The following PIP4K2A variants were observed in gnomAD, a reference collection of about 807,000 sequenced individuals.
The protein encoded by PIP4K2A is phosphatidylinositol 5-phosphate 4-kinase type-2 alpha.
A neutral mutation model predicts 42.9 loss-of-function variants in PIP4K2A; 14 were observed. The ratio of observed to expected loss-of-function variants is 0.33; its 90% CI spans 0.22 to 0.51. PIP4K2A has a LOEUF of 0.51. Ranked by LOEUF, PIP4K2A falls within the 20% of genes least tolerant of loss-of-function variation. The pLI is 0.97. For synonymous variants in PIP4K2A, 192 were observed against 192.2 expected, an observed-to-expected ratio of 1.00 and a Z score of 0.01; for missense variants, 434 against 519.8, an observed-to-expected ratio of 0.83 and a Z score of 1.61.
intron 1 of PIP4K2A, among the ~76,000 whole-genome samples, chr10:22,664,637 CA>C (rs1839314179): frequency 6.6e-6 from 1 of 151,846 alleles, no homozygotes; most frequent in South Asian, 2.1e-4. Context: ...TGCTTTTAAA[CA>C]AAAATTCTAC....
Position 22,623,266 on chromosome 10 carries a change from G to A in PIP4K2A, c.145-13549C>T, listed in dbSNP as rs1365283445. Among the ~76,000 whole-genome samples, 5 of 152,162 alleles carry A rather than the reference G, an allele frequency of 3.3e-5. No homozygotes were observed. The South Asian group carries it at 1.0e-3, about 32-fold the overall frequency. ...AGATCAAGTTTAGGTGTCTGGGGTC[G>A]GGGGTGAAGCTCACCTGTAATGGTG... On this transcript the variant is annotated intron_variant, in intron 1 of 9. Transcript: ENST00000376573.
intron 4 of PIP4K2A, among the ~76,000 whole-genome samples, chr10:22,578,841 G>GC (rs1312554177): frequency 1.3e-5 from 2 of 152,114 alleles, no homozygotes; most frequent in African/African-American, 4.8e-5. Flanking sequence ...ATATACAACT[G>GC]TTGAATAAAT....
At chr10:22,628,374 G>A (rs1053406861) in intron 1 of PIP4K2A, among the ~76,000 whole-genome samples, 10 of 152,110 alleles carry the variant, frequency 6.6e-5, no homozygotes, top group African/African-American at 2.2e-4. Flanking sequence ...AATCTTGATC[G>A]TTAGAAAAAG....
intron 1 of PIP4K2A, among the ~76,000 whole-genome samples, chr10:22,693,372 AG>A (rs987246664): frequency 1.1e-4 from 16 of 152,174 alleles, no homozygotes; most frequent in African/African-American, 3.9e-4. Context: ...AATACATACA[AG>A]GATTTCACCA....
intron 1 of PIP4K2A, among the ~76,000 whole-genome samples, chr10:22,652,978 G>C (rs1258046477): frequency 1.3e-5 from 2 of 152,094 alleles, no homozygotes; most frequent in Admixed American, 6.5e-5. Context: ...CCTTCAGTCT[G>C]AGCTGCTCAG....
At chr10:22,546,176 G>C (rs1014225916) in intron 7 of PIP4K2A, among the ~76,000 whole-genome samples, 1 of 152,140 alleles carries the variant, frequency 6.6e-6, no homozygotes, top group African/African-American at 2.4e-5. Flanking sequence ...TTTAAAATTG[G>C]ACAATGCCAC....
chr10:22,639,348 T>C (rs976966413), intron 1 of PIP4K2A, among the ~76,000 whole-genome samples: 1 of 124,072 alleles, frequency 8.1e-6, no homozygotes, highest in African/African-American at 3.4e-5. Flanking sequence ...ACTTGAGAAA[T>C]CAAAAGAAGC....
chr10:22,641,845 T>C (rs1838788866), intron 1 of PIP4K2A, among the ~76,000 whole-genome samples: 2 of 152,088 alleles, frequency 1.3e-5, no homozygotes, highest in Admixed American at 1.3e-4. Flanking sequence ...ACAGGAGTGA[T>C]GATTCTATAT....
chr10:22,546,452 C>A (rs1162977639), intron 7 of PIP4K2A, among the ~76,000 whole-genome samples: 1 of 152,126 alleles, frequency 6.6e-6, no homozygotes, highest in East Asian at 1.9e-4. Flanking sequence ...GGCTCTGTCA[C>A]CCAGGCTGGA....
chr10:22,656,072 A>G (rs1374187026), intron 1 of PIP4K2A, among the ~76,000 whole-genome samples: 1 of 152,166 alleles, frequency 6.6e-6, no homozygotes, highest in Non-Finnish European at 1.5e-5. Context: ...ATGACCCCAG[A>G]CCTTGCTGCC....
chr10:22,553,383 G>A (rs1836457870), intron 6 of PIP4K2A, among the ~76,000 whole-genome samples: 1 of 152,146 alleles, frequency 6.6e-6, no homozygotes, highest in Admixed American at 6.5e-5. Flanking sequence ...AGGGACCAGG[G>A]GCCAGGTTCC....
chr10:22,631,957 C>T (rs769431583), intron 1 of PIP4K2A, among the ~76,000 whole-genome samples: 2 of 152,090 alleles, frequency 1.3e-5, no homozygotes, highest in African/African-American at 2.4e-5. Flanking sequence ...GTGGACATCA[C>T]GCGCCTTCTG....
intron 1 of PIP4K2A, among the ~76,000 whole-genome samples, chr10:22,691,011 G>T (rs913035495): frequency 6.6e-6 from 1 of 152,158 alleles, no homozygotes; most frequent in Admixed American, 6.5e-5. Flanking sequence ...GGTCCCCCAC[G>T]TAACCCCCTA....
At chr10:22,584,008 T>A (rs1186620534) in intron 4 of PIP4K2A, among the ~76,000 whole-genome samples, 1 of 152,210 alleles carries the variant, frequency 6.6e-6, no homozygotes, top group African/African-American at 2.4e-5. Flanking sequence ...CTGCCCAATC[T>A]CACTTCTTTC....
At chr10:22,570,236 C>A (rs1028356827) in intron 5 of PIP4K2A, among the ~76,000 whole-genome samples, 1 of 152,206 alleles carries the variant, frequency 6.6e-6, no homozygotes, top group Non-Finnish European at 1.5e-5. Flanking sequence ...CTCAAAACAT[C>A]CCTGCAAATG....
intron 1 of PIP4K2A, among the ~76,000 whole-genome samples, chr10:22,682,534 T>G (rs11013095): frequency 0.36 from 54,713 of 151,432 alleles, 10,507 homozygotes; most frequent in Non-Finnish European, 0.43. Flanking sequence ...TCCATGAACC[T>G]AAAAAAAAAG....
At chr10:22,644,267 G>C (rs1384833222) in intron 1 of PIP4K2A, among the ~76,000 whole-genome samples, 2 of 152,040 alleles carry the variant, frequency 1.3e-5, no homozygotes, top group Admixed American at 1.3e-4. Flanking sequence ...CAGCAAATCT[G>C]TGGGCTCTTT....
At chr10:22,566,350 A>T (rs556372309) in intron 6 of PIP4K2A, among the ~76,000 whole-genome samples, 2 of 152,228 alleles carry the variant, frequency 1.3e-5, no homozygotes, top group Non-Finnish European at 2.9e-5. Context: ...AGGTTCCCCG[A>T]TAACTGACAT....
intron 4 of PIP4K2A, among the ~76,000 whole-genome samples, chr10:22,581,060 A>C (rs755055030): frequency 1.3e-5 from 2 of 152,264 alleles, no homozygotes; most frequent in East Asian, 3.8e-4. Flanking sequence ...AGCACACACC[A>C]GATAAGTGGG....
Sources: allele counts gnomAD v4.1 joint callset (sites outside exome capture counted in the v4.1 genomes callset), GRCh38; gene constraint gnomAD v4.1.1; transcripts MANE v1.5; gene names NCBI Gene and HGNC (gene_info 2026-07-23, HGNC 2026-07-21).